ZNF506: variants seen among roughly 807,000 people sequenced by gnomAD.
ZNF506 encodes the protein zinc finger protein 506.
ZNF506 carries 10 observed loss-of-function variants against 11.6 expected under a neutral mutation model. That is an observed-to-expected ratio of 0.86 (90% confidence interval 0.53 to 1.46). The LOEUF is 1.46. Among genes scored for constraint, ZNF506 ranks in the 40% most tolerant of loss-of-function variants. ZNF506 has a pLI of 0.00. For missense variants in ZNF506, 425 were observed against 521.2 expected (o/e 0.82, Z 1.80); for synonymous variants, 156 against 173.3 (o/e 0.90, Z 0.78).
chr19:19,815,684 G>A (rs1599528065), intron 1 of ZNF506, among the ~76,000 whole-genome samples: 1 of 152,160 alleles, frequency 6.6e-6, no homozygotes, highest in South Asian at 2.1e-4. Context: ...CAGAGTCATC[G>A]TAGACCCTGA....
chr19:19,813,589 A>C (rs1193801042), intron 1 of ZNF506, among the ~76,000 whole-genome samples: 1 of 152,212 alleles, frequency 6.6e-6, no homozygotes, highest in African/African-American at 2.4e-5. Context: ...ATAAAGACAC[A>C]TCCACATGCA....
Position 19,806,185 on chromosome 19 carries a change from T to C in ZNF506, c.131-59A>G, listed in dbSNP as rs1004105663. The C allele has an allele frequency of 4.2e-5, 54 of 1,281,724 alleles. No individual in the cohort carries two copies. The South Asian group carries it at 5.9e-4, about 14-fold the overall frequency. 79.4% of individuals were successfully genotyped at this position (1,281,724 alleles called of 1,614,324 possible). ...CTCATATTCTCCAATTACAAGCTAGTACTGTGCTCAGCAGAGAGGATGTGA... is the reference window on the plus strand; with the variant it reads ...CTCATATTCTCCAATTACAAGCTAGCACTGTGCTCAGCAGAGAGGATGTGA... On this transcript the variant is annotated intron_variant, in intron 2 of 3. Coordinates refer to ENST00000540806, the MANE Select transcript of ZNF506 (RefSeq NM_001099269.3).
chr19:19,808,818 T>C (rs1327774503), intron 1 of ZNF506, among the ~76,000 whole-genome samples: 2 of 140,954 alleles, frequency 1.4e-5, no homozygotes, highest in African/African-American at 5.6e-5. Flanking sequence ...ACCCCTGGCC[T>C]TGGTGACACA....
In ZNF506 at chr19:19,794,749, C is replaced by G. The variant is rs764517090; in HGVS notation, c.1138G>C (p.Ala380Pro). 7 of 1,611,918 alleles carry G rather than the reference C, an allele frequency of 4.3e-6. No individual in the cohort carries two copies. Among genetic ancestry groups the G allele is most frequent in the Non-Finnish European group, 5.9e-6 (7 of 1,179,272 alleles). The change falls in exon 4 of 4, where the codon GCA becomes CCA. Residue 380 changes from alanine (A) to proline (P), a missense_variant. By Grantham distance (27) the Ala-to-Pro change is conservative (BLOSUM62 -1). Coordinates refer to ENST00000540806, the MANE Select transcript of ZNF506 (RefSeq NM_001099269.3). ...TTATGTTCAGTTAGAGTTGAGAATG[C>G]AGTAAAGGCTTTGCCACATTCTTCA... ...KCEECGKAFT[A>P]FSTLTEHKII...
chr19:19,815,323 C>G (rs1198735110), intron 1 of ZNF506, among the ~76,000 whole-genome samples: 2 of 152,016 alleles, frequency 1.3e-5, no homozygotes, highest in African/African-American at 4.8e-5. Flanking sequence ...AGGGTGGTGC[C>G]GAGTCCCGGG....
At position 19,821,710 on chromosome 19, in the gene ZNF506, T is replaced by A; in HGVS notation, c.-107A>T. The A allele has an allele frequency of 7.1e-7, 1 of 1,412,044 alleles. No individual in the cohort carries two copies. The highest frequency in any genetic ancestry group is 1.0e-6 in the Non-Finnish European group (1 of 999,164). The allele number at this position is 1,412,044 out of a possible 1,614,324, so 87.5% of individuals were successfully genotyped here. On this transcript the variant is annotated 5_prime_UTR_variant, in exon 1 of 4. Coordinates refer to ENST00000540806, the MANE Select transcript of ZNF506 (RefSeq NM_001099269.3). ...TCTAGGAGCTGACGGCACAGAGCAG[T>A]GAAGACGATAGCTGGATCTCTGGCG...
Position 19,814,795 on chromosome 19 carries a change from T to TGGAAA in ZNF506, c.3+6805_3+6806insTTTCC, listed in dbSNP as rs2062916005. 2.6e-5 allele frequency among the ~76,000 whole-genome samples: 4 copies of TGGAAA among 152,198 alleles called. No homozygotes were observed. The South Asian group carries it at 8.3e-4, about 32-fold the overall frequency. On this transcript the variant is annotated intron_variant, in intron 1 of 3. Transcript: ENST00000540806. The stretch of plus-strand genomic sequence containing the variant: ...TAGTGGTCCCAGTGGGGCTGTACTC[T>TGGAAA]ATTTATTTCCGTGTGCATGCAGGCA...
In ZNF506 at chr19:19,808,291, T is replaced by G. The variant is rs542906917; in HGVS notation, c.4-1223A>C. ...GGCACCCGCCACCAGGCCCGGCTAA[T>G]TTTTTATATTTTTAGTAGAGACGGG... is the stretch of plus-strand genomic sequence containing the variant. On this transcript the variant is annotated intron_variant, in intron 1 of 3. Transcript: ENST00000540806. 1.8e-4 allele frequency among the ~76,000 whole-genome samples: 27 copies of G among 150,598 alleles called. 1 individual carries two copies. In the South Asian group the frequency reaches 5.7e-3, roughly 32 times the overall value.
intron 1 of ZNF506, 70 bp from the exon 2 acceptor site, chr19:19,807,138 A>G: frequency 6.2e-7 from 1 of 1,603,718 alleles, no homozygotes; most frequent in Non-Finnish European, 8.5e-7. Flanking sequence ...ACTTCAGGTG[A>G]AATGAGAGAG....
intron 1 of ZNF506, 60 bp from the exon 2 acceptor site, chr19:19,807,128 A>C (rs1321318267): frequency 3.7e-6 from 6 of 1,606,710 alleles, no homozygotes; most frequent in Admixed American, 1.7e-5. Flanking sequence ...TTTTAATTTG[A>C]CTTCAGGTGA....
At chr19:19,799,447 C>A (rs1188411387) in intron 3 of ZNF506, 2 of 675,542 alleles carry the variant, frequency 3.0e-6, no homozygotes, top group Non-Finnish European at 5.3e-6. Flanking sequence ...TCTTTATAGA[C>A]CACCTGTTAG....
chr19:19,811,802 A>G (rs2062885405), intron 1 of ZNF506, among the ~76,000 whole-genome samples: 1 of 152,116 alleles, frequency 6.6e-6, no homozygotes, highest in Non-Finnish European at 1.5e-5. Flanking sequence ...AGGAAATTAT[A>G]ATAACGGTTC....
At chr19:19,796,422 G>A (rs1251618620) in intron 3 of ZNF506, 2 of 150,016 alleles carry the variant, frequency 1.3e-5, no homozygotes, top group Non-Finnish European at 3.0e-5. Context: ...TATTTATTTT[G>A]AGGTAGAGTC....
chr19:19,803,986 T>C (rs1193780189), intron 3 of ZNF506, among the ~76,000 whole-genome samples: 1 of 148,102 alleles, frequency 6.8e-6, no homozygotes, highest in Non-Finnish European at 1.5e-5. Flanking sequence ...CTTCCAACTA[T>C]ATTGTCAATT....
At chr19:19,808,365 C>T (rs1175407627) in intron 1 of ZNF506, among the ~76,000 whole-genome samples, 2 of 149,178 alleles carry the variant, frequency 1.3e-5, no homozygotes, top group African/African-American at 2.4e-5. Flanking sequence ...CCTCGTGATC[C>T]GCCCGCCTCG....
At chr19:19,805,751 T>C (rs1425091140) in intron 3 of ZNF506, among the ~76,000 whole-genome samples, 1 of 152,152 alleles carries the variant, frequency 6.6e-6, no homozygotes, top group Non-Finnish European at 1.5e-5. Context: ...TGCAGTCTCT[T>C]ATCTGTCATG....
intron 3 of ZNF506, among the ~76,000 whole-genome samples, chr19:19,802,619 A>G (rs764300695): frequency 6.6e-6 from 1 of 152,250 alleles, no homozygotes; most frequent in Non-Finnish European, 1.5e-5. Context: ...TTTTGCCTGC[A>G]GCAAACTTGA....
At chr19:19,808,402 C>T (rs937483022) in intron 1 of ZNF506, among the ~76,000 whole-genome samples, 12 of 150,776 alleles carry the variant, frequency 8.0e-5, no homozygotes, top group African/African-American at 1.5e-4. Context: ...GGATTACAGG[C>T]GTGAGCCACT....
At chr19:19,811,967 A>C (rs1267830634) in intron 1 of ZNF506, among the ~76,000 whole-genome samples, 2 of 152,018 alleles carry the variant, frequency 1.3e-5, no homozygotes, top group African/African-American at 2.4e-5. Context: ...GTCTAGACTA[A>C]AAGTTTCTGG....
Sources: allele counts gnomAD v4.1 joint callset (sites outside exome capture counted in the v4.1 genomes callset), GRCh38; gene constraint gnomAD v4.1.1; transcripts MANE v1.5; gene names NCBI Gene and HGNC (gene_info 2026-07-23, HGNC 2026-07-21).